STK4: variants seen among roughly 807,000 people sequenced by gnomAD.
The protein encoded by STK4 is serine/threonine kinase 4, also known as serine/threonine-protein kinase 4.
In STK4, 30 loss-of-function variants were observed where a neutral mutation model predicts 64.9. That is an observed-to-expected ratio of 0.46 (90% CI 0.35 to 0.63). The LOEUF (loss-of-function observed/expected upper bound fraction) is 0.63, where lower values mean the gene tolerates loss of function less well. STK4 is among the 20% of genes least tolerant of loss of function. The pLI, the probability that STK4 is intolerant of heterozygous loss-of-function variation, is 0.01. For synonymous variants in STK4, 177 were observed against 199.0 expected (o/e 0.89, Z 0.93); for missense variants, 466 against 598.5 (o/e 0.78, Z 2.31).
chr20:44,983,496 G>T (rs1276079400), intron 4 of STK4, among the ~76,000 whole-genome samples: 1 of 152,118 alleles, frequency 6.6e-6, no homozygotes, highest in Non-Finnish European at 1.5e-5. Flanking sequence ...TGTAGTCCCA[G>T]CTAACTTTTG....
At chr20:45,004,032 T>TA (rs1269813553) in intron 9 of STK4, among the ~76,000 whole-genome samples, 1 of 152,066 alleles carries the variant, frequency 6.6e-6, no homozygotes, top group East Asian at 1.9e-4. Flanking sequence ...AAAATGTCTT[T>TA]AAAAAAATGA....
chr20:45,059,511 A>G (rs6065778), intron 10 of STK4, among the ~76,000 whole-genome samples: 38,942 of 152,048 alleles, frequency 0.26, 5,666 homozygotes, highest in Middle Eastern at 0.43. Flanking sequence ...TGAGGGGTGG[A>G]TAGTGTGTAT....
chr20:44,996,065 A>G (rs1240013573), intron 6 of STK4, among the ~76,000 whole-genome samples: 1 of 152,156 alleles, frequency 6.6e-6, no homozygotes, highest in Non-Finnish European at 1.5e-5. Context: ...TGTATTTTTG[A>G]ACTCATGTCA....
chr20:45,063,181 A>AT (rs1979250622), intron 10 of STK4, among the ~76,000 whole-genome samples: 1 of 145,430 alleles, frequency 6.9e-6, no homozygotes, highest in South Asian at 2.2e-4. Context: ...TTGTTTTTGT[A>AT]TTTTTTTGTA....
At chr20:45,025,763 T>TC (rs1367330394) in intron 10 of STK4, among the ~76,000 whole-genome samples, 2 of 152,212 alleles carry the variant, frequency 1.3e-5, no homozygotes, top group Non-Finnish European at 2.9e-5. Context: ...AAGATTTTTC[T>TC]CTTCAGGAGC....
intron 10 of STK4, among the ~76,000 whole-genome samples, chr20:45,071,088 G>A (rs969222999): frequency 2.0e-5 from 3 of 152,198 alleles, no homozygotes; most frequent in South Asian, 2.1e-4. Context: ...GATTTTTCAC[G>A]AGATAATCAG....
At chr20:45,046,648 T>G (rs1379953297) in intron 10 of STK4, among the ~76,000 whole-genome samples, 6 of 151,920 alleles carry the variant, frequency 3.9e-5, no homozygotes, top group African/African-American at 1.4e-4. Flanking sequence ...TGGGCTTTTC[T>G]GCTAATTTGC....
At chr20:44,998,062 G>A (rs984590373) in intron 7 of STK4, among the ~76,000 whole-genome samples, 14 of 152,146 alleles carry the variant, frequency 9.2e-5, no homozygotes, top group Admixed American at 2.0e-4. Flanking sequence ...AAGTCTACCC[G>A]AGTCTGACAA....
intron 4 of STK4, among the ~76,000 whole-genome samples, chr20:44,983,746 T>G (rs569394530): frequency 1.3e-5 from 2 of 152,320 alleles, no homozygotes; most frequent in Non-Finnish European, 2.9e-5. Flanking sequence ...AATATCTGTA[T>G]TCCATATTTG....
intron 10 of STK4, among the ~76,000 whole-genome samples, chr20:45,058,759 G>A (rs952116161): frequency 4.6e-5 from 7 of 152,052 alleles, no homozygotes; most frequent in African/African-American, 9.7e-5. Flanking sequence ...ACAGTAGCTC[G>A]GTGCAGTTGG....
At chr20:45,048,642 C>T (rs1025522148) in intron 10 of STK4, among the ~76,000 whole-genome samples, 5 of 152,078 alleles carry the variant, frequency 3.3e-5, no homozygotes, top group East Asian at 1.9e-4. Context: ...CCACCATGCC[C>T]GGCTAATTTT....
At chr20:44,973,029 TTGTG>T (rs376854976) in intron 2 of STK4, 4 of 151,704 alleles carry the variant, frequency 2.6e-5, no homozygotes, top group Admixed American at 1.3e-4. Context: ...ACACTCGTGT[TTGTG>T]TGTGTGTGTG....
chr20:44,987,354 C>T (rs922497839), intron 5 of STK4, 58 bp downstream of exon 5: 4 of 1,477,430 alleles, frequency 2.7e-6, no homozygotes, highest in Non-Finnish European at 3.7e-6. Flanking sequence ...GAAGCAGTTC[C>T]TTTTATTTAC....
At chr20:45,059,616 A>G (rs1272866273) in intron 10 of STK4, among the ~76,000 whole-genome samples, 1 of 152,228 alleles carries the variant, frequency 6.6e-6, no homozygotes, top group Non-Finnish European at 1.5e-5. Context: ...AATGGCACAC[A>G]GTTAAAACTT....
chr20:45,011,726 TATA>T (rs1256864102), intron 9 of STK4, among the ~76,000 whole-genome samples: 8 of 107,516 alleles, frequency 7.4e-5, no homozygotes, highest in African/African-American at 3.0e-4. Context: ...TATATATATA[TATA>T]TTTTTTTTTT....
At chr20:45,011,076 A>G (rs2068036556) in intron 9 of STK4, among the ~76,000 whole-genome samples, 1 of 152,200 alleles carries the variant, frequency 6.6e-6, no homozygotes. Flanking sequence ...CTGTCTGGAT[A>G]AAATATTAGA....
At chr20:45,059,066 G>A (rs923455518) in intron 10 of STK4, among the ~76,000 whole-genome samples, 1 of 152,144 alleles carries the variant, frequency 6.6e-6, no homozygotes, top group African/African-American at 2.4e-5. Context: ...ACCTGAAACT[G>A]TAGATAGTAC....
intron 5 of STK4, among the ~76,000 whole-genome samples, chr20:44,994,818 T>A (rs2067697070): frequency 6.6e-6 from 1 of 152,170 alleles, no homozygotes; most frequent in African/African-American, 2.4e-5. Context: ...TAATTTAAAA[T>A]TTTTTGTCAG....
intron 10 of STK4, among the ~76,000 whole-genome samples, chr20:45,031,992 G>A (rs1156265941): frequency 1.3e-5 from 2 of 151,184 alleles, no homozygotes; most frequent in Non-Finnish European, 2.9e-5. Context: ...ACTGTTAAAA[G>A]GTATACTTTA....
Sources: allele counts gnomAD v4.1 joint callset (sites outside exome capture counted in the v4.1 genomes callset), GRCh38; gene constraint gnomAD v4.1.1; transcripts MANE v1.5; gene names NCBI Gene and HGNC (gene_info 2026-07-23, HGNC 2026-07-21).